The following TMEFF1 variants were observed in gnomAD, a reference collection of about 807,000 sequenced individuals.
The protein encoded by TMEFF1 is tomoregulin-1.
In TMEFF1, 20 loss-of-function variants were observed where a neutral mutation model predicts 47.5. The observed-to-expected ratio is 0.42, with a 90% CI of 0.30 to 0.61. TMEFF1 has a LOEUF of 0.61. TMEFF1 is among the 20% of genes least tolerant of loss of function. The pLI is 0.19. For missense variants in TMEFF1, 411 were observed against 471.1 expected, an observed-to-expected ratio of 0.87 and a Z score of 1.18; for synonymous variants, 162 against 166.3, an observed-to-expected ratio of 0.97 and a Z score of 0.20.
chr9:100,485,299 A>C (rs7865385), intron 1 of TMEFF1, among the ~76,000 whole-genome samples: 20,233 of 152,122 alleles, frequency 0.13, 1,489 homozygotes, highest in Middle Eastern at 0.2. Context: ...ACATTGTTTC[A>C]TATCTCTTGG....
At chr9:100,541,057 G>GT (rs1838618298) in intron 5 of TMEFF1, among the ~76,000 whole-genome samples, 3 of 152,046 alleles carry the variant, frequency 2.0e-5, no homozygotes, top group Admixed American at 2.0e-4. Context: ...TCAGTCTTAC[G>GT]TTTGATCTCC....
chr9:100,500,077 G>A (rs1284181140), intron 2 of TMEFF1, among the ~76,000 whole-genome samples: 1 of 152,174 alleles, frequency 6.6e-6, no homozygotes, highest in Non-Finnish European at 1.5e-5. Context: ...TTTGCCAAGA[G>A]CACCTTTCCA....
intron 9 of TMEFF1, 50 bp downstream of exon 9, chr9:100,572,726 G>C: frequency 6.5e-7 from 1 of 1,544,150 alleles, no homozygotes; most frequent in Non-Finnish European, 8.7e-7. Flanking sequence ...GCAGGCAACT[G>C]TTTATTTATA....
intron 8 of TMEFF1, among the ~76,000 whole-genome samples, chr9:100,565,220 G>T (rs1001600946): frequency 4.6e-5 from 7 of 152,048 alleles, no homozygotes; most frequent in Admixed American, 1.3e-4. Flanking sequence ...TTTCTACCTA[G>T]CAATTCTTCT....
chr9:100,503,283 C>T (rs1316448680), intron 2 of TMEFF1, among the ~76,000 whole-genome samples: 1 of 151,416 alleles, frequency 6.6e-6, no homozygotes, highest in Non-Finnish European at 1.5e-5. Flanking sequence ...GAGCTATTAT[C>T]TTGCCACACA....
Position 100,529,952 on chromosome 9 carries a change from A to C in TMEFF1, c.560+13181A>C, listed in dbSNP as rs370542532. On this transcript the variant is annotated intron_variant, in intron 5 of 9. Transcript: ENST00000374879. Reference sequence around the variant, plus strand: ...GGATTAAGAATCTCACTCAAAACCGATCAACTACATGGAAACTGAACAACC... The same window carrying C: ...GGATTAAGAATCTCACTCAAAACCGCTCAACTACATGGAAACTGAACAACC... Among the ~76,000 whole-genome samples, 961 of 152,082 alleles carry C rather than the reference A, an allele frequency of 6.3e-3. 6 individuals are homozygous for C. Among genetic ancestry groups the C allele is most frequent in the South Asian group, 0.016 (79 of 4,798 alleles).
chr9:100,573,794 A>G (rs1028338722), intron 9 of TMEFF1, among the ~76,000 whole-genome samples: 2 of 152,282 alleles, frequency 1.3e-5, no homozygotes, highest in African/African-American at 4.8e-5. Flanking sequence ...GATATTTTTC[A>G]TAACACCTAG....
intron 1 of TMEFF1, among the ~76,000 whole-genome samples, chr9:100,483,184 A>G (rs759282212): frequency 1.3e-5 from 2 of 152,038 alleles, no homozygotes; most frequent in African/African-American, 2.4e-5. Context: ...GTCATATGGA[A>G]TCTCTGGGTT....
intron 1 of TMEFF1, among the ~76,000 whole-genome samples, chr9:100,490,838 TGTG>T (rs1392448932): frequency 9.5e-6 from 1 of 104,824 alleles, no homozygotes; most frequent in African/African-American, 3.7e-5. Flanking sequence ...ATATGTATGG[TGTG>T]TGTGTGTGTG....
At chr9:100,539,135 A>G (rs1319644090) in intron 5 of TMEFF1, among the ~76,000 whole-genome samples, 1 of 152,094 alleles carries the variant, frequency 6.6e-6, no homozygotes, top group African/African-American at 2.4e-5. Context: ...TGAACTTCTG[A>G]TCTCAAGTGA....
At chr9:100,569,990 A>T (rs1839200257) in intron 8 of TMEFF1, among the ~76,000 whole-genome samples, 1 of 152,130 alleles carries the variant, frequency 6.6e-6, no homozygotes, top group African/African-American at 2.4e-5. Context: ...CTCTACTTCT[A>T]TGAGATCAAC....
chr9:100,485,152 C>A (rs1837425363), intron 1 of TMEFF1, among the ~76,000 whole-genome samples: 1 of 152,114 alleles, frequency 6.6e-6, no homozygotes, highest in South Asian at 2.1e-4. Flanking sequence ...AATAATATTT[C>A]ATTGTCTCGA....
Position 100,554,201 on chromosome 9 carries a change from G to T in TMEFF1, c.775+4041G>T, listed in dbSNP as rs550311868. 4.6e-5 allele frequency among the ~76,000 whole-genome samples: 7 copies of T among 152,230 alleles called. No individual in the cohort carries two copies. In the East Asian group the frequency reaches 7.7e-4, roughly 17 times the overall value. ...TAGTGATATCATTTCCATTACTGGTGACTGTTTAGATATTTCAGTCCAGCT... is the reference window on the plus strand; with the variant it reads ...TAGTGATATCATTTCCATTACTGGTTACTGTTTAGATATTTCAGTCCAGCT... On this transcript the variant is annotated intron_variant, in intron 7 of 9. Coordinates refer to ENST00000374879, the MANE Select transcript of TMEFF1 (RefSeq NM_003692.5).
intron 2 of TMEFF1, among the ~76,000 whole-genome samples, chr9:100,502,889 T>TTTACATCC (rs1216633782): frequency 2.6e-5 from 4 of 152,200 alleles, no homozygotes; most frequent in Admixed American, 6.6e-5. Flanking sequence ...GGTATGAGAC[T>TTTACATCC]AGATGCTGAG....
chr9:100,513,122 A>G (rs935836081), intron 3 of TMEFF1, among the ~76,000 whole-genome samples, 185 bp from the exon 4 acceptor site: 1 of 152,144 alleles, frequency 6.6e-6, no homozygotes, highest in African/African-American at 2.4e-5. Flanking sequence ...TATGTATCTA[A>G]GCAATTTATA....
rs151133033 is a variant in TMEFF1, at chr9:100,510,996, T to A, written c.436+1862T>A. Among the ~76,000 whole-genome samples, 26 of 152,248 alleles carry A rather than the reference T, an allele frequency of 1.7e-4. No individual in the cohort carries two copies. The East Asian group carries it at 5.0e-3, about 29-fold the overall frequency. On this transcript the variant is annotated intron_variant, in intron 3 of 9. Coordinates refer to ENST00000374879, the MANE Select transcript of TMEFF1 (RefSeq NM_003692.5). The stretch of plus-strand genomic sequence containing the variant: ...GGTCAGCACCCTCCCTTAACAAATA[T>A]CCTTCTATCAGGTATGACGTAGGTT...
At chr9:100,570,069 A>C (rs969956835) in intron 8 of TMEFF1, among the ~76,000 whole-genome samples, 2 of 152,174 alleles carry the variant, frequency 1.3e-5, no homozygotes, top group Non-Finnish European at 2.9e-5. Flanking sequence ...TATTTCACTT[A>C]ATATAATGTT....
chr9:100,546,967 A>G (rs1258474754), intron 5 of TMEFF1, among the ~76,000 whole-genome samples: 2 of 152,136 alleles, frequency 1.3e-5, no homozygotes, highest in Non-Finnish European at 1.5e-5. Context: ...TCCATTTTAC[A>G]TATTTCATGT....
At chr9:100,537,643 T>C (rs1838544195) in intron 5 of TMEFF1, among the ~76,000 whole-genome samples, 2 of 152,250 alleles carry the variant, frequency 1.3e-5, no homozygotes, top group Non-Finnish European at 2.9e-5. Context: ...TCAGAATAGA[T>C]GGCTTTCTAA....
Sources: gnomAD v4.1 joint callset for allele counts (sites outside exome capture counted in the v4.1 genomes callset) on GRCh38, gnomAD v4.1.1 for gene constraint, MANE v1.5 for transcripts, NCBI Gene and HGNC (gene_info 2026-07-23, HGNC 2026-07-21) for gene names.